The following C2CD5 variants were observed in gnomAD, a reference collection of about 807,000 sequenced individuals.
C2CD5 encodes C2 calcium dependent domain containing 5.
In C2CD5, 109 loss-of-function variants were observed where a neutral mutation model predicts 130.3. The ratio of observed to expected loss-of-function variants is 0.84; its 90% CI spans 0.72 to 0.98. The LOEUF (loss-of-function observed/expected upper bound fraction) is 0.98. C2CD5 is among the 50% of genes least tolerant of loss of function. The pLI, the probability that C2CD5 is intolerant of heterozygous loss-of-function variation, is 0.00. For missense variants in C2CD5, 996 were observed against 1,261.8 expected, an observed-to-expected ratio of 0.79 and a Z score of 3.19; for synonymous variants, 454 against 429.2, an observed-to-expected ratio of 1.06 and a Z score of -0.71.
At chr12:22,528,952 T>A (rs1020322013) in intron 3 of C2CD5, among the ~76,000 whole-genome samples, 4 of 152,224 alleles carry the variant, frequency 2.6e-5, no homozygotes, top group African/African-American at 9.6e-5. Context: ...ATCATTAGTG[T>A]GATAATGTGA....
chr12:22,509,210 T>C (rs1368438055), intron 9 of C2CD5, among the ~76,000 whole-genome samples: 2 of 152,252 alleles, frequency 1.3e-5, no homozygotes, highest in Admixed American at 1.3e-4. Flanking sequence ...CAAGAGATAC[T>C]GAAAATAACA....
rs760855807 is a variant in C2CD5 at position 22,527,749 on chromosome 12, T to A, written c.321A>T (p.Gly107=). ...GTATGGTGTCATAAATTGGAAACCA[T>A]CCTGAGATGACTGTTGCAGCTTCAC... ...LYSEAATVIS[G]WFPIYDTIHG... is the part of the protein sequence containing the mutation. Residue 107 remains glycine (G), a synonymous_variant, in exon 4 of 27, where the codon GGA becomes GGT. Coordinates refer to ENST00000446597, the MANE Select transcript of C2CD5 (RefSeq NM_001286176.2). 1.9e-6 allele frequency: 3 copies of A among 1,593,832 alleles called. No individual in the cohort carries two copies. Among genetic ancestry groups the A allele is most frequent in the Non-Finnish European group, 2.6e-6 (3 of 1,167,458 alleles).
At chr12:22,516,833 A>G (rs1465303444) in intron 8 of C2CD5, among the ~76,000 whole-genome samples, 1 of 151,804 alleles carries the variant, frequency 6.6e-6, no homozygotes, top group Non-Finnish European at 1.5e-5. Context: ...TTTTTTCACT[A>G]CAATCTGGAT....
At chr12:22,502,758 G>T in intron 10 of C2CD5, 1 of 1,530,124 alleles carries the variant, frequency 6.5e-7, no homozygotes, top group South Asian at 1.2e-5. Context: ...AACTATTCCA[G>T]TCTAGCAGTT....
intron 3 of C2CD5, 29 bp from the exon 4 acceptor site, chr12:22,527,921 A>C: frequency 9.7e-5 from 142 of 1,460,688 alleles, no homozygotes; most frequent in Non-Finnish European, 1.2e-4. Context: ...ATTAAAACTC[A>C]TATAGTTTTT....
At chr12:22,519,929 C>G (rs2136978588) in intron 7 of C2CD5, among the ~76,000 whole-genome samples, 1 of 152,164 alleles carries the variant, frequency 6.6e-6, no homozygotes, top group African/African-American at 2.4e-5. Flanking sequence ...ATAACTTTGG[C>G]TCTCATACAG....
intron 10 of C2CD5, among the ~76,000 whole-genome samples, chr12:22,494,945 A>G (rs1946824687): frequency 6.6e-6 from 1 of 152,050 alleles, no homozygotes; most frequent in Admixed American, 6.6e-5. Flanking sequence ...CATCCATTTA[A>G]CATCATCCTT....
At chr12:22,504,049 A>G (rs1265111904) in intron 10 of C2CD5, among the ~76,000 whole-genome samples, 1 of 152,128 alleles carries the variant, frequency 6.6e-6, no homozygotes, top group Non-Finnish European at 1.5e-5. Context: ...TAGTTACAAT[A>G]CACAAAACAC....
At chr12:22,528,331 C>A (rs1322155797) in intron 3 of C2CD5, among the ~76,000 whole-genome samples, 1 of 152,162 alleles carries the variant, frequency 6.6e-6, no homozygotes, top group Admixed American at 6.5e-5. Flanking sequence ...GCAAAATTAA[C>A]ATTATGTGTA....
chr12:22,502,129 C>A (rs1947881853), intron 10 of C2CD5, among the ~76,000 whole-genome samples: 1 of 151,896 alleles, frequency 6.6e-6, no homozygotes, highest in Non-Finnish European at 1.5e-5. Context: ...TTAAAAGCTA[C>A]AAACTACATT....
At chr12:22,458,251 A>T (rs1940373150) in intron 24 of C2CD5, among the ~76,000 whole-genome samples, 1 of 152,196 alleles carries the variant, frequency 6.6e-6, no homozygotes, top group African/African-American at 2.4e-5. Context: ...TACTTTTAAG[A>T]ATACCTGCAC....
At chr12:22,458,754 A>T in intron 23 of C2CD5, 169 bp from the exon 24 acceptor site, 1 of 360,186 alleles carries the variant, frequency 2.8e-6, no homozygotes, top group Non-Finnish European at 5.0e-6. Context: ...AGCTTTAGAC[A>T]CTGATTTGTC....
At chr12:22,487,017 A>T (rs1945629170) in intron 12 of C2CD5, among the ~76,000 whole-genome samples, 1 of 152,182 alleles carries the variant, frequency 6.6e-6, no homozygotes, top group Non-Finnish European at 1.5e-5. Flanking sequence ...GAAAGCTGAA[A>T]TTGGATCCCT....
chr12:22,525,717 A>AAAAG lies in C2CD5; in HGVS notation c.350-16_350-13dup, dbSNP rs751064572. The AAAAG allele has an allele frequency of 7.8e-7, 1 of 1,285,482 alleles. No homozygotes were observed. The highest frequency in any genetic ancestry group is 1.1e-6 in the Non-Finnish European group (1 of 886,630). 79.6% of individuals were successfully genotyped at this position (1,285,482 alleles called of 1,614,324 possible). On this transcript the variant is annotated splice_polypyrimidine_tract_variant and intron_variant, in intron 4 of 26. Coordinates refer to ENST00000446597, the MANE Select transcript of C2CD5 (RefSeq NM_001286176.2). ...TTCCCCACGGATACCTATAAATTTA[A>AAAAG]AAAGAAAATCAAGTTTCTACCTTAA...
intron 14 of C2CD5, 49 bp from the exon 15 acceptor site, chr12:22,478,526 A>C: frequency 6.7e-7 from 1 of 1,496,942 alleles, no homozygotes; most frequent in Non-Finnish European, 9.2e-7. Flanking sequence ...CTACAGAATA[A>C]CAGTCCTTAA....
intron 26 of C2CD5, among the ~76,000 whole-genome samples, chr12:22,452,984 A>G (rs1298100546): frequency 6.6e-6 from 1 of 152,212 alleles, no homozygotes; most frequent in Non-Finnish European, 1.5e-5. Flanking sequence ...CACTTTCACT[A>G]TAAGATAATT....
intron 2 of C2CD5, among the ~76,000 whole-genome samples, chr12:22,540,585 G>A (rs540376996): frequency 2.8e-4 from 43 of 152,292 alleles, no homozygotes; most frequent in South Asian, 4.1e-4. Flanking sequence ...CAGGCCAGGC[G>A]CGGTGGCTCA....
At chr12:22,477,914 C>T (rs1333175415) in intron 15 of C2CD5, 1 of 166,204 alleles carries the variant, frequency 6.0e-6, no homozygotes, top group Admixed American at 5.8e-5. Flanking sequence ...TAAGAGACTA[C>T]CACCAATAGG....
chr12:22,509,038 G>A (rs905135843), intron 9 of C2CD5, among the ~76,000 whole-genome samples: 3 of 151,180 alleles, frequency 2.0e-5, no homozygotes, highest in Admixed American at 6.6e-5. Flanking sequence ...CACCGCGCCC[G>A]GCTAATTTTT....
Sources: allele counts gnomAD v4.1 joint callset (sites outside exome capture counted in the v4.1 genomes callset), GRCh38; gene constraint gnomAD v4.1.1; transcripts MANE v1.5; gene names NCBI Gene and HGNC (gene_info 2026-07-23, HGNC 2026-07-21).